Variants in GRIA3 observed in about 807,000 individuals in gnomAD.
GRIA3 encodes the protein glutamate receptor 3.
In GRIA3, 3 loss-of-function variants were observed where a neutral mutation model predicts 63.0. That is an observed-to-expected ratio of 0.05 (90% CI 0.02 to 0.12). The LOEUF (loss-of-function observed/expected upper bound fraction) is 0.12, where lower values mean the gene tolerates loss of function less well. Ranked by LOEUF, GRIA3 falls within the 10% of genes least tolerant of loss-of-function variation. The probability of loss-of-function intolerance (pLI) is 1.00; values close to 1 mark genes in which losing one functional copy is unlikely to be tolerated. For synonymous variants in GRIA3, 274 were observed against 257.9 expected (o/e 1.06, Z -0.60); for missense variants, 347 against 700.9 (o/e 0.50, Z 5.70).
rs773423761 is a variant in GRIA3 at position 123,436,967 on chromosome X, G to C, written c.2076+8828G>C. Among the ~76,000 whole-genome samples, 8 of 110,417 alleles carry C rather than the reference G, an allele frequency of 7.2e-5. No individual in the cohort carries two copies. In the East Asian group the frequency reaches 2.3e-3, roughly 31 times the overall value. On this transcript the variant is annotated intron_variant, in intron 12 of 15. Coordinates refer to ENST00000620443, the MANE Select transcript of GRIA3 (RefSeq NM_007325.5). ...CATGCAGAAGCCTAAAAACTTGACC[G>C]TAAGGATCAAGTAAAATTCGACTTA...
intron 1 of GRIA3, chrX:123,184,945 G>C (rs1056265165): frequency 4.7e-6 from 2 of 422,738 alleles, no homozygotes; most frequent in Non-Finnish European, 8.7e-6. Context: ...CTGGGATGCT[G>C]CAAGGGGGTG....
At chrX:123,372,471 A>C (rs1468574118) in intron 5 of GRIA3, among the ~76,000 whole-genome samples, 1 of 112,140 alleles carries the variant, frequency 8.9e-6, no homozygotes. Context: ...AGTAGTATGG[A>C]CATTGCAACA....
chrX:123,255,366 T>C (rs1203133005), intron 3 of GRIA3, among the ~76,000 whole-genome samples: 1 of 111,287 alleles, frequency 9.0e-6, no homozygotes, highest in Non-Finnish European at 1.9e-5. Flanking sequence ...AGCTTGAATA[T>C]TCTAATTCAT....
chrX:123,390,761 A>G (rs973527590), intron 5 of GRIA3, among the ~76,000 whole-genome samples: 3 of 111,769 alleles, frequency 2.7e-5, no homozygotes, highest in Non-Finnish European at 3.8e-5. Flanking sequence ...CTTCTGGGAC[A>G]CTAAAAATTC....
chrX:123,311,750 G>A (rs2044794077), intron 3 of GRIA3, among the ~76,000 whole-genome samples: 1 of 112,078 alleles, frequency 8.9e-6, no homozygotes, highest in African/African-American at 3.2e-5. Flanking sequence ...TGCATGGCCT[G>A]TATCCCTGTG....
Position 123,442,571 on chromosome X carries a change from T to A in GRIA3, c.2076+14432T>A, listed in dbSNP as rs2045680858. ...TGAAGGGACTCAAGAATAGGCCACT[T>A]ATCAGAGATGTTGAATAGAGGACTC... is the stretch of plus-strand genomic sequence containing the variant. On this transcript the variant is annotated intron_variant, in intron 12 of 15. Coordinates refer to ENST00000620443, the MANE Select transcript of GRIA3 (RefSeq NM_007325.5). Among the ~76,000 whole-genome samples, 8 of 111,651 alleles carry A rather than the reference T, an allele frequency of 7.2e-5. No homozygotes were observed. The Admixed American group carries it at 7.6e-4, about 11-fold the overall frequency.
intron 11 of GRIA3, among the ~76,000 whole-genome samples, chrX:123,419,162 C>T (rs1013274706): frequency 3.6e-5 from 4 of 112,067 alleles, no homozygotes; most frequent in African/African-American, 1.3e-4. Context: ...TATCCCAGCA[C>T]TTTGGGAGGC....
intron 5 of GRIA3, among the ~76,000 whole-genome samples, chrX:123,363,347 T>C (rs1361532895): frequency 8.9e-6 from 1 of 112,526 alleles, no homozygotes; most frequent in African/African-American, 3.2e-5. Flanking sequence ...AATAGTACTG[T>C]ATGAAGGAAA....
At chrX:123,449,478 A>G (rs1322762875) in intron 12 of GRIA3, among the ~76,000 whole-genome samples, 3 of 112,104 alleles carry the variant, frequency 2.7e-5, no homozygotes, top group Non-Finnish European at 5.6e-5. Flanking sequence ...TTGAGCTTCC[A>G]TGGCGTGCAG....
rs140861103 is a variant in GRIA3, at chrX:123,318,298, C to T, written c.509-7728C>T. ...CATGGTCTTGGGGATTAACGTTAGG[C>T]TCCTTGCTATTTATGCAAATTTCTG... On this transcript the variant is annotated intron_variant, in intron 3 of 15. Coordinates refer to ENST00000620443, the MANE Select transcript of GRIA3 (RefSeq NM_007325.5). Among the ~76,000 whole-genome samples the T allele has an allele frequency of 1.1e-3, 129 of 112,342 alleles. 1 individual carries two copies. The East Asian group carries it at 0.029, about 25-fold the overall frequency.
chrX:123,426,869 G>A (rs770177662), intron 11 of GRIA3, among the ~76,000 whole-genome samples: 12 of 112,223 alleles, frequency 1.1e-4, no homozygotes, highest in African/African-American at 3.9e-4. Context: ...AACACAGAGC[G>A]TGATTCCAAT....
intron 7 of GRIA3, among the ~76,000 whole-genome samples, chrX:123,402,526 C>G (rs1328019585): frequency 1.8e-5 from 2 of 110,246 alleles, no homozygotes; most frequent in Non-Finnish European, 3.8e-5. Flanking sequence ...GAAGGTCATT[C>G]AATTAATAAT....
rs1189713570 is a variant in GRIA3 at position 123,395,143 on chromosome X, G to A, written c.912+14G>A. On this transcript the variant is annotated intron_variant, in intron 6 of 15. Transcript: ENST00000620443. ...GCACCACTAAAGGTAATGTTCCATGGCATGTAAAAAACCTAAGGCCAGCTT... is the reference window on the plus strand; with the variant it reads ...GCACCACTAAAGGTAATGTTCCATGACATGTAAAAAACCTAAGGCCAGCTT... The A allele has an allele frequency of 2.5e-6, 3 of 1,192,300 alleles. No individual in the cohort carries two copies. The African/African-American group carries it at 5.3e-5, about 21-fold the overall frequency.
chrX:123,302,083 T>C (rs901189951), intron 3 of GRIA3, among the ~76,000 whole-genome samples: 2 of 112,068 alleles, frequency 1.8e-5, no homozygotes, highest in African/African-American at 6.5e-5. Context: ...GCCTGGTATT[T>C]AAGAAATGGT....
intron 4 of GRIA3, among the ~76,000 whole-genome samples, chrX:123,337,896 A>C (rs1255591046): frequency 8.9e-6 from 1 of 112,251 alleles, no homozygotes; most frequent in African/African-American, 3.2e-5. Flanking sequence ...GTTGTTTGAC[A>C]GAATACTTTG....
At chrX:123,315,191 A>G (rs1791468954) in intron 3 of GRIA3, among the ~76,000 whole-genome samples, 1 of 112,156 alleles carries the variant, frequency 8.9e-6, no homozygotes, top group Non-Finnish European at 1.9e-5. Context: ...TCTTAATTAA[A>G]GGAAAATTTA....
intron 5 of GRIA3, among the ~76,000 whole-genome samples, chrX:123,364,988 T>C (rs923684898): frequency 8.9e-6 from 1 of 111,929 alleles, no homozygotes. Flanking sequence ...AATGAGGAGT[T>C]GTTAATAAAC....
At chrX:123,379,889 C>T (rs374087839) in intron 5 of GRIA3, among the ~76,000 whole-genome samples, 11 of 102,363 alleles carry the variant, frequency 1.1e-4, no homozygotes, top group African/African-American at 2.5e-4. Context: ...TGAGAATATG[C>T]GGTGTTTGGT....
chrX:123,254,034 C>T (rs1363221417), intron 3 of GRIA3, among the ~76,000 whole-genome samples: 1 of 111,961 alleles, frequency 8.9e-6, no homozygotes. Flanking sequence ...GGACTCATTC[C>T]ATCAGATCAC....
Sources: allele counts gnomAD v4.1 joint callset (sites outside exome capture counted in the v4.1 genomes callset), GRCh38; gene constraint gnomAD v4.1.1; transcripts MANE v1.5; gene names NCBI Gene and HGNC (gene_info 2026-07-23, HGNC 2026-07-21).